IL37: variants seen among roughly 807,000 people sequenced by gnomAD.
The protein encoded by IL37 is interleukin 37, also known as interleukin-37.
In IL37, 15 loss-of-function variants were observed where a neutral mutation model predicts 15.4. The observed-to-expected ratio is 0.98, with a 90% CI of 0.65 to 1.50. The LOEUF (loss-of-function observed/expected upper bound fraction) is 1.50. IL37 is among the 40% of genes most tolerant of loss of function. IL37 has a pLI of 0.00. For missense variants in IL37, 269 were observed against 261.7 expected, an observed-to-expected ratio of 1.03 and a Z score of -0.19; for synonymous variants, 98 against 97.4, an observed-to-expected ratio of 1.01 and a Z score of -0.03.
intron 3 of IL37, among the ~76,000 whole-genome samples, chr2:112,915,676 A>C (rs1462272754): frequency 6.6e-6 from 1 of 152,220 alleles, no homozygotes; most frequent in East Asian, 1.9e-4. Context: ...AAAGCTCCTG[A>C]GGAGATTCTG....
intron 3 of IL37, among the ~76,000 whole-genome samples, chr2:112,914,087 A>G (rs1406086294): frequency 1.3e-5 from 2 of 152,158 alleles, no homozygotes; most frequent in Non-Finnish European, 2.9e-5. Flanking sequence ...GGCACAGGGC[A>G]AGGAAGAGTT....
intron 5 of IL37, among the ~76,000 whole-genome samples, 174 bp from the exon 6 acceptor site, chr2:112,918,387 G>T (rs1683371830): frequency 6.6e-6 from 1 of 151,862 alleles, no homozygotes; most frequent in African/African-American, 2.4e-5. Context: ...GGGCAGGATT[G>T]CTTATCATCC....
intron 3 of IL37, among the ~76,000 whole-genome samples, chr2:112,915,011 G>A (rs779230046): frequency 2.6e-5 from 4 of 152,132 alleles, no homozygotes; most frequent in Non-Finnish European, 5.9e-5. Context: ...TAAAGCTGGC[G>A]CTGGCACTGA....
Position 112,917,253 on chromosome 2 carries a change from C to T in IL37, c.265+5C>T. On this transcript the variant is annotated splice_donor_5th_base_variant and intron_variant, in intron 4 of 5. Transcript: ENST00000263326. ...ATAAAAACTACATACGCCCAGGTGACTCTCAGTTTTGGCTGTGTTTTCTGC... is the reference window on the plus strand; with the variant it reads ...ATAAAAACTACATACGCCCAGGTGATTCTCAGTTTTGGCTGTGTTTTCTGC... The T allele has an allele frequency of 6.2e-7, 1 of 1,613,612 alleles. No homozygotes were observed. Among genetic ancestry groups the T allele is most frequent in the Non-Finnish European group, 8.5e-7 (1 of 1,179,852 alleles).
intron 1 of IL37, among the ~76,000 whole-genome samples, chr2:112,911,787 G>A (rs1317859768): frequency 6.6e-6 from 1 of 152,132 alleles, no homozygotes; most frequent in Non-Finnish European, 1.5e-5. Context: ...GGATACCTAC[G>A]TTTCTGCCAG....
Position 112,913,776 on chromosome 2 carries a change from C to T in IL37, c.83-16C>T. The T allele has an allele frequency of 6.2e-7, 1 of 1,611,766 alleles. No homozygotes were observed. The highest frequency in any genetic ancestry group is 8.5e-7 in the Non-Finnish European group (1 of 1,177,856). ...ATCCGAATTGCATATGCTAACCTCACTGCGTCTGACTGCAGACCCGGCTGG... is the reference window on the plus strand; with the variant it reads ...ATCCGAATTGCATATGCTAACCTCATTGCGTCTGACTGCAGACCCGGCTGG... On this transcript the variant is annotated splice_polypyrimidine_tract_variant and intron_variant, in intron 2 of 5. Transcript: ENST00000263326.
chr2:112,918,454 T>C, intron 5 of IL37, 107 bp from the exon 6 acceptor site: 1 of 1,296,610 alleles, frequency 7.7e-7, no homozygotes, highest in Non-Finnish European at 1.1e-6. Flanking sequence ...ATCTGCCTTC[T>C]CTCTTTTCCT....
chr2:112,913,082 T>A lies in IL37; in HGVS notation c.70T>A (p.Cys24Ser). ...SEDWEKDEPQCCLEDPAGSPL... is the reference protein window; with the variant it reads ...SEDWEKDEPQSCLEDPAGSPL... ...GGACTGGGAAAAAGATGAACCCCAG[T>A]GCTGCTTAGAAGGTAAGGTTCTTGT... The change falls in exon 2 of 6, where the codon TGC becomes AGC. Residue 24 changes from cysteine (C) to serine (S), a missense_variant. Transcript: ENST00000263326. 1.3e-6 allele frequency: 2 copies of A among 1,563,238 alleles called. No homozygotes were observed. The highest frequency in any genetic ancestry group is 1.2e-5 in the South Asian group (1 of 82,020).
intron 3 of IL37, 88 bp downstream of exon 3, chr2:112,913,942 G>T: frequency 9.9e-7 from 1 of 1,014,946 alleles, no homozygotes; most frequent in African/African-American, 1.5e-5. Flanking sequence ...TACAGGGTGG[G>T]AGAATTGTAG....
intron 3 of IL37, among the ~76,000 whole-genome samples, chr2:112,915,960 A>T (rs1313833166): frequency 2.0e-5 from 3 of 152,078 alleles, no homozygotes; most frequent in African/African-American, 7.2e-5. Flanking sequence ...AGCACCAGAG[A>T]GGAAGCTACC....
Position 112,917,650 on chromosome 2 carries a change from T to C in IL37, c.281T>C (p.Leu94Ser), listed in dbSNP as rs1683347138. 6.3e-7 allele frequency: 1 copy of C among 1,589,430 alleles called. No individual in the cohort carries two copies. Among genetic ancestry groups the C allele is most frequent in the Non-Finnish European group, 8.6e-7 (1 of 1,169,544 alleles). Residue 94 changes from leucine to serine, a missense_variant, in exon 5 of 6, where the codon TTA (leucine) becomes TCA (serine). Leu to Ser is a moderately radical substitution (Grantham distance 145). Transcript: ENST00000263326. ...NYIRPEIFFA[L>S]ASSLSSASAE... ...CTTTTTCCAGAGATCTTCTTTGCAT[T>C]AGCCTCATCCTTGAGCTCAGCCTCT...
intron 1 of IL37, 64 bp from the exon 2 acceptor site, chr2:112,912,899 G>T: frequency 2.8e-6 from 2 of 713,620 alleles, no homozygotes; most frequent in Non-Finnish European, 2.3e-6. Context: ...CAGCACTAGA[G>T]ACATGCAGCA....
rs1161065351 is a variant in IL37 at position 112,912,943 on chromosome 2, TC to T, written c.-50-16del. On this transcript the variant is annotated intron_variant, in intron 1 of 5. Transcript: ENST00000263326. ...TGGGGTGAGAAGATGCCATAACTGG[TC>T]CCCTTTCTATCTCCTTAGGTCTTGG... 1.5e-5 allele frequency: 17 copies of T among 1,138,462 alleles called. No individual in the cohort carries two copies. Among genetic ancestry groups the T allele is most frequent in the South Asian group, 2.8e-5 (2 of 70,640 alleles). 70.5% of individuals were successfully genotyped at this position (1,138,462 alleles called of 1,614,324 possible).
chr2:112,917,001 A>G (rs1683325861), intron 3 of IL37, 128 bp from the exon 4 acceptor site: 2 of 998,878 alleles, frequency 2.0e-6, no homozygotes, highest in Admixed American at 2.4e-5. Flanking sequence ...AGAAATATTC[A>G]GTGGCTGTGA....
intron 4 of IL37, 147 bp downstream of exon 4, chr2:112,917,395 A>G (rs958993645): frequency 1.0e-6 from 1 of 981,226 alleles, no homozygotes; most frequent in Non-Finnish European, 1.5e-6. Context: ...CTAGGGCATC[A>G]GATGAAGGGT....
chr2:112,912,055 T>C (rs1042979135), intron 1 of IL37, among the ~76,000 whole-genome samples: 16 of 152,214 alleles, frequency 1.1e-4, no homozygotes, highest in Non-Finnish European at 1.8e-4. Context: ...ATTTTTTGCA[T>C]GAACAATTTA....
chr2:112,914,647 G>A (rs1336630453), intron 3 of IL37, among the ~76,000 whole-genome samples: 1 of 152,224 alleles, frequency 6.6e-6, no homozygotes, highest in Non-Finnish European at 1.5e-5. Flanking sequence ...TACCTTTGAT[G>A]TTTTAGTTTT....
chr2:112,913,766 G>A, intron 2 of IL37, 26 bp from the exon 3 acceptor site: 1 of 1,606,092 alleles, frequency 6.2e-7, no homozygotes, highest in Non-Finnish European at 8.5e-7. Flanking sequence ...AATTGCATAT[G>A]CTAACCTCAC....
In IL37 at chr2:112,917,681, G is replaced by A. The variant is rs750419461; in HGVS notation, c.312G>A (p.Glu104=). 2.0e-5 allele frequency: 32 copies of A among 1,610,658 alleles called. No individual in the cohort carries two copies. Among genetic ancestry groups the A allele is most frequent in the Admixed American group, 3.4e-5 (2 of 59,298 alleles). The change falls in exon 5 of 6, where the codon GAG becomes GAA. Residue 104 remains glutamate, a synonymous_variant. Coordinates refer to ENST00000263326, the MANE Select transcript of IL37 (RefSeq NM_014439.4). ...LASSLSSASA[E]KGSPILLGVS... is the part of the protein sequence containing the mutation. ...CATCCTTGAGCTCAGCCTCTGCGGA[G>A]AAAGGAAGTCCGATTCTCCTGGGGG...
Sources: gnomAD v4.1 joint callset for allele counts (sites outside exome capture counted in the v4.1 genomes callset) on GRCh38, gnomAD v4.1.1 for gene constraint, MANE v1.5 for transcripts, NCBI Gene and HGNC (gene_info 2026-07-23, HGNC 2026-07-21) for gene names.